GSE1: variants seen among roughly 807,000 people sequenced by gnomAD.
GSE1 encodes the protein genetic suppressor element 1.
GSE1 carries 32 observed loss-of-function variants against 112.6 expected under a neutral mutation model. The observed-to-expected ratio is 0.28, with a 90% CI of 0.21 to 0.38. GSE1 has a LOEUF of 0.38. Ranked by LOEUF, GSE1 falls within the 10% of genes least tolerant of loss-of-function variation. The pLI, the probability that GSE1 is intolerant of heterozygous loss-of-function variation, is 1.00. For missense variants in GSE1, 2,348 were observed against 1,699.2 expected (o/e 1.38, Z -6.71); for synonymous variants, 1,115 against 735.6 (o/e 1.52, Z -8.35).
At chr16:85,652,309 C>G (rs559674778) in intron 3 of GSE1, among the ~76,000 whole-genome samples, 12 of 152,356 alleles carry the variant, frequency 7.9e-5, no homozygotes, top group African/African-American at 2.9e-4. Context: ...CGGCCACTCC[C>G]CCACTACCCC....
chr16:85,339,877 A>C (rs997507869), intron 1 of GSE1, among the ~76,000 whole-genome samples: 1 of 152,128 alleles, frequency 6.6e-6, no homozygotes, highest in African/African-American at 2.4e-5. Context: ...AGCTTCACAG[A>C]AGCCGGATCT....
intron 2 of GSE1, among the ~76,000 whole-genome samples, chr16:85,382,888 A>G (rs1417331441): frequency 6.7e-6 from 1 of 150,258 alleles, no homozygotes; most frequent in African/African-American, 2.5e-5. Flanking sequence ...CACACCGTGC[A>G]CACACACGCA....
At chr16:85,288,722 G>A (rs1484416981) in intron 1 of GSE1, among the ~76,000 whole-genome samples, 2 of 152,222 alleles carry the variant, frequency 1.3e-5, no homozygotes, top group Non-Finnish European at 2.9e-5. Flanking sequence ...CAGGCTTCCT[G>A]GGAGAGGCGG....
chr16:85,440,934 C>T (rs557706382), intron 2 of GSE1, among the ~76,000 whole-genome samples: 84 of 152,362 alleles, frequency 5.5e-4, no homozygotes, highest in African/African-American at 7.9e-4. Flanking sequence ...CGTGGCAATT[C>T]GAGCCCTGGG....
At chr16:85,211,740 A>C (rs1355911718) in intron 1 of GSE1, among the ~76,000 whole-genome samples, 1 of 151,760 alleles carries the variant, frequency 6.6e-6, no homozygotes, top group Non-Finnish European at 1.5e-5. Context: ...GGTACTGGGC[A>C]CCCGCGAGAG....
intron 1 of GSE1, among the ~76,000 whole-genome samples, chr16:85,570,124 G>A (rs557819532): frequency 1.3e-5 from 2 of 152,322 alleles, no homozygotes; most frequent in Non-Finnish European, 2.9e-5. Flanking sequence ...TGGCCAGATG[G>A]AATGAGAGGT....
Position 85,312,210 on chromosome 16 carries a change from G to T in GSE1, c.2284-45253G>T, listed in dbSNP as rs890470485. Among the ~76,000 whole-genome samples, 26 of 151,608 alleles carry T rather than the reference G, an allele frequency of 1.7e-4. 4 individuals carry two copies. Among genetic ancestry groups the T allele is most frequent in the Non-Finnish European group, 3.2e-4 (22 of 67,890 alleles). On this transcript the variant is annotated intron_variant, in intron 1 of 2. Transcript: ENST00000637419. The stretch of plus-strand genomic sequence containing the variant: ...GGTCTCTCTGATCCTCTTGCGGGGG[G>T]GGGGGGGACACACTTACCCCCAAAC...
chr16:85,357,175 G>A (rs979116582), intron 1 of GSE1, among the ~76,000 whole-genome samples: 1 of 152,232 alleles, frequency 6.6e-6, no homozygotes, highest in African/African-American at 2.4e-5. Flanking sequence ...GGCTCCAGAA[G>A]CTCCAGTTTT....
intron 2 of GSE1, among the ~76,000 whole-genome samples, chr16:85,481,368 G>A (rs887716615): frequency 5.9e-5 from 9 of 152,220 alleles, no homozygotes; most frequent in Non-Finnish European, 1.3e-4. Context: ...AGAGGCAGGG[G>A]TTAACTCTGG....
At chr16:85,332,103 C>A (rs565800014) in intron 1 of GSE1, among the ~76,000 whole-genome samples, 1 of 152,252 alleles carries the variant, frequency 6.6e-6, no homozygotes, top group East Asian at 1.9e-4. Flanking sequence ...AGTGGGGAGC[C>A]AGGGATGGGG....
chr16:85,267,109 G>A (rs1420027784), intron 1 of GSE1, among the ~76,000 whole-genome samples: 2 of 152,192 alleles, frequency 1.3e-5, no homozygotes, highest in African/African-American at 2.4e-5. Flanking sequence ...GAAATTGCAC[G>A]AGCCTTGGTG....
intron 1 of GSE1, among the ~76,000 whole-genome samples, chr16:85,630,303 A>G (rs1433351528): frequency 2.6e-5 from 4 of 152,170 alleles, no homozygotes; most frequent in Non-Finnish European, 5.9e-5. Context: ...GGGGAAGGGA[A>G]TTGGTCTCTA....
At chr16:85,418,762 C>G (rs938945015) in intron 2 of GSE1, among the ~76,000 whole-genome samples, 3 of 152,142 alleles carry the variant, frequency 2.0e-5, no homozygotes, top group African/African-American at 7.2e-5. Context: ...CAGGGAGCCA[C>G]CAGAAGACTG....
intron 1 of GSE1, among the ~76,000 whole-genome samples, chr16:85,310,538 C>G (rs2045810086): frequency 6.6e-6 from 1 of 151,428 alleles, no homozygotes; most frequent in Non-Finnish European, 1.5e-5. Context: ...TCCTTCTCCC[C>G]CACCTCTCAG....
At chr16:85,441,665 A>G (rs938901249) in intron 2 of GSE1, among the ~76,000 whole-genome samples, 2 of 152,186 alleles carry the variant, frequency 1.3e-5, no homozygotes, top group Non-Finnish European at 2.9e-5. Context: ...AAAACAAAAA[A>G]CAAAACAAAA....
chr16:85,546,230 G>A (rs181423601), intron 2 of GSE1, among the ~76,000 whole-genome samples: 4 of 152,126 alleles, frequency 2.6e-5, no homozygotes, highest in Non-Finnish European at 5.9e-5. Context: ...GATTACAGAC[G>A]TGCGCCACTG....
At chr16:85,331,709 T>TATATA (rs1567693601) in intron 1 of GSE1, among the ~76,000 whole-genome samples, 1 of 20,574 alleles carries the variant, frequency 4.9e-5, no homozygotes. Context: ...ATATATATAT[T>TATATA]TTTTTTTTTT....
intron 2 of GSE1, among the ~76,000 whole-genome samples, chr16:85,499,295 CTTTTTTTTTTTTTTT>C (rs568776401): frequency 9.1e-4 from 70 of 77,186 alleles, no homozygotes; most frequent in African/African-American, 2.4e-3. Flanking sequence ...GGAAAGTCAC[CTTTTTTTTTTTTTTT>C]TTTTTTTTTT....
chr16:85,584,621 G>A (rs1276410763), intron 1 of GSE1, among the ~76,000 whole-genome samples: 7 of 152,132 alleles, frequency 4.6e-5, no homozygotes, highest in Non-Finnish European at 1.5e-5. Flanking sequence ...AGATGGCAGC[G>A]TTATTTGGCG....
Sources: allele counts gnomAD v4.1 joint callset (sites outside exome capture counted in the v4.1 genomes callset), GRCh38; gene constraint gnomAD v4.1.1; transcripts MANE v1.5; gene names NCBI Gene and HGNC (gene_info 2026-07-23, HGNC 2026-07-21).